Variants in PTPRR observed in about 807,000 individuals in gnomAD.
PTPRR encodes the protein protein tyrosine phosphatase receptor type R, also known as receptor-type tyrosine-protein phosphatase R.
PTPRR carries 38 observed loss-of-function variants against 77.2 expected under a neutral mutation model. The observed-to-expected ratio is 0.49, with a 90% CI of 0.38 to 0.65. The LOEUF is 0.65. Ranked by LOEUF, PTPRR falls within the 30% of genes least tolerant of loss-of-function variation. The pLI, the probability that PTPRR is intolerant of heterozygous loss-of-function variation, is 0.00. For synonymous variants in PTPRR, 299 were observed against 283.1 expected, an observed-to-expected ratio of 1.06 and a Z score of -0.57; for missense variants, 744 against 799.2, an observed-to-expected ratio of 0.93 and a Z score of 0.83.
intron 2 of PTPRR, among the ~76,000 whole-genome samples, chr12:70,779,351 G>A (rs1207836489): frequency 6.6e-6 from 1 of 151,878 alleles, no homozygotes; most frequent in Non-Finnish European, 1.5e-5. Context: ...CCTTTTTCCA[G>A]TTCCTCAAGC....
chr12:70,920,063 C>T lies in PTPRR; in HGVS notation c.58+270G>A, dbSNP rs369274065. 1.2e-4 allele frequency among the ~76,000 whole-genome samples: 19 copies of T among 152,086 alleles called. 1 individual carries two copies. In the South Asian group the frequency reaches 2.7e-3, roughly 22 times the overall value. On this transcript the variant is annotated intron_variant, in intron 1 of 13. Transcript: ENST00000283228. ...GCAGGGAATCTAGACGGAGGGGAGG[C>T]GAAGGGGGGAGCAAACCTGTATTCA... is the stretch of plus-strand genomic sequence containing the variant.
intron 2 of PTPRR, among the ~76,000 whole-genome samples, chr12:70,817,425 T>C (rs536206359): frequency 1.4e-4 from 22 of 152,220 alleles, no homozygotes; most frequent in Non-Finnish European, 2.4e-4. Flanking sequence ...TAAAAGAGAA[T>C]GGTCTTGTTC....
intron 8 of PTPRR, among the ~76,000 whole-genome samples, chr12:70,692,332 T>C (rs955820654): frequency 6.7e-6 from 1 of 148,444 alleles, no homozygotes; most frequent in African/African-American, 2.6e-5. Flanking sequence ...GAAAATATTA[T>C]CTATCTGTGC....
chr12:70,915,128 A>T (rs1159664523), intron 1 of PTPRR, among the ~76,000 whole-genome samples: 2 of 152,216 alleles, frequency 1.3e-5, no homozygotes, highest in African/African-American at 4.8e-5. Context: ...GAAGCTAGGA[A>T]GTAATGACTG....
At chr12:70,670,067 T>C (rs145803128) in intron 10 of PTPRR, among the ~76,000 whole-genome samples, 1 of 152,174 alleles carries the variant, frequency 6.6e-6, no homozygotes, top group Non-Finnish European at 1.5e-5. Context: ...CTTTTTGAGA[T>C]TGAACCGTTT....
intron 2 of PTPRR, among the ~76,000 whole-genome samples, chr12:70,770,160 G>A (rs1176260629): frequency 1.4e-5 from 2 of 146,764 alleles, no homozygotes; most frequent in East Asian, 3.9e-4. Context: ...TTGACAAATG[G>A]GATCTAATTA....
intron 2 of PTPRR, among the ~76,000 whole-genome samples, chr12:70,795,562 C>T (rs1891496310): frequency 6.6e-6 from 1 of 152,130 alleles, no homozygotes; most frequent in East Asian, 1.9e-4. Context: ...AATATAGCCA[C>T]ATCATTTATT....
intron 2 of PTPRR, among the ~76,000 whole-genome samples, chr12:70,845,336 C>T (rs944186935): frequency 6.6e-6 from 1 of 151,846 alleles, no homozygotes; most frequent in Non-Finnish European, 1.5e-5. Context: ...AACCACCCCC[C>T]AAAAAAAGGA....
chr12:70,827,821 A>T (rs1306107942), intron 2 of PTPRR, among the ~76,000 whole-genome samples: 1 of 149,974 alleles, frequency 6.7e-6, no homozygotes, highest in Non-Finnish European at 1.5e-5. Flanking sequence ...CCTGGGTTCA[A>T]GCAATTCTCC....
chr12:70,718,734 G>C (rs180745602), intron 6 of PTPRR, among the ~76,000 whole-genome samples: 1 of 152,302 alleles, frequency 6.6e-6, no homozygotes, highest in Admixed American at 6.5e-5. Flanking sequence ...TATTTTGAGT[G>C]TGTATATTGT....
At chr12:70,757,364 G>T (rs187798775) in intron 4 of PTPRR, among the ~76,000 whole-genome samples, 137 of 152,238 alleles carry the variant, frequency 9.0e-4, no homozygotes, top group Admixed American at 7.1e-3. Flanking sequence ...TGTCAACACA[G>T]AACTTACCGT....
intron 6 of PTPRR, among the ~76,000 whole-genome samples, chr12:70,718,618 T>A (rs532139500): frequency 6.6e-6 from 1 of 152,324 alleles, no homozygotes; most frequent in East Asian, 1.9e-4. Flanking sequence ...CCATTCAGGG[T>A]TGAATATTTG....
rs893926747 is a variant in PTPRR, at chr12:70,770,551, T to C, written c.358-5773A>G. Among the ~76,000 whole-genome samples, 108 of 152,274 alleles carry C rather than the reference T, an allele frequency of 7.1e-4. 1 individual carries two copies. Among genetic ancestry groups the C allele is most frequent in the South Asian group, 2.1e-3 (10 of 4,824 alleles). On this transcript the variant is annotated intron_variant, in intron 2 of 13. Transcript: ENST00000283228. ...ATGTGGAGAAATAGGAACACTTTTA[T>C]ACTGTTGGTGGGACTGTAAACTAGT...
At chr12:70,875,495 A>G (rs1049721528) in intron 2 of PTPRR, among the ~76,000 whole-genome samples, 13 of 152,206 alleles carry the variant, frequency 8.5e-5, no homozygotes, top group Admixed American at 7.9e-4. Context: ...AATGTCAAAC[A>G]AAAATGGCTG....
chr12:70,734,526 G>A (rs1310361945), intron 6 of PTPRR, among the ~76,000 whole-genome samples: 1 of 152,152 alleles, frequency 6.6e-6, no homozygotes, highest in Non-Finnish European at 1.5e-5. Flanking sequence ...CAGGGTGGAA[G>A]GGCTGAGAAG....
chr12:70,737,215 C>A (rs1307440003), intron 6 of PTPRR, among the ~76,000 whole-genome samples: 1 of 152,116 alleles, frequency 6.6e-6, no homozygotes, highest in African/African-American at 2.4e-5. Flanking sequence ...GCCACTCATG[C>A]TCAGAGATCC....
chr12:70,745,874 G>A lies in PTPRR; in HGVS notation c.951C>T (p.Thr317=), dbSNP rs200977405. The A allele has an allele frequency of 6.2e-5, 100 of 1,614,028 alleles. No homozygotes were observed. The highest frequency in any genetic ancestry group is 4.1e-5 in the Non-Finnish European group (48 of 1,179,974). Residue 317 remains threonine, a synonymous_variant, in exon 6 of 14, where the codon ACC becomes ACT. Transcript: ENST00000283228. ...GRGAPEIKAT[T]ATSVCPSPFK... ...AAGGAGAAGGGCAAACAGAGGTAGC[G>A]GTGGTAGCTTTGATCTCAGGAGCAC... is the stretch of plus-strand genomic sequence containing the variant.
Position 70,658,884 on chromosome 12 carries a change from T to G in PTPRR, c.1766+2056A>C, listed in dbSNP as rs12810198. ...TCAACGTTAGGGACTTTTGCTCTAG[T>G]TTTTTTTTTTTTTTTTTTTTTTTTT... On this transcript the variant is annotated intron_variant, in intron 12 of 13. Coordinates refer to ENST00000283228, the MANE Select transcript of PTPRR (RefSeq NM_002849.4). Among the ~76,000 whole-genome samples the G allele has an allele frequency of 2.0e-4, 9 of 44,588 alleles. No individual in the cohort carries two copies. In the African/African-American group the frequency reaches 2.2e-3, roughly 11 times the overall value. The allele number at this position is 44,588 out of a possible 152,430, so 29.3% of individuals were successfully genotyped here. A position where few individuals can be genotyped will look rare whatever the true frequency, so the allele number is the denominator to read the frequency against.
intron 2 of PTPRR, among the ~76,000 whole-genome samples, chr12:70,871,382 A>ACTGACTG (rs1892956143): frequency 6.6e-6 from 1 of 152,024 alleles, no homozygotes; most frequent in Non-Finnish European, 1.5e-5. Context: ...TGCGCTTTGC[A>ACTGACTG]CTCTGACTGC....
Sources: gnomAD v4.1 joint callset for allele counts (sites outside exome capture counted in the v4.1 genomes callset) on GRCh38, gnomAD v4.1.1 for gene constraint, MANE v1.5 for transcripts, NCBI Gene and HGNC (gene_info 2026-07-23, HGNC 2026-07-21) for gene names.